The following SULT4A1 variants were observed in gnomAD, a reference collection of about 807,000 sequenced individuals.
The protein encoded by SULT4A1 is sulfotransferase family 4A member 1, also known as sulfotransferase 4A1.
Under a neutral mutation model 35.2 loss-of-function variants are expected in SULT4A1, and 11 were observed. The ratio of observed to expected loss-of-function variants is 0.31; its 90% CI spans 0.20 to 0.52. SULT4A1 has a LOEUF of 0.52. SULT4A1 is among the 20% of genes least tolerant of loss of function. SULT4A1 has a pLI of 0.97. For synonymous variants in SULT4A1, 152 were observed against 151.8 expected, an observed-to-expected ratio of 1.00 and a Z score of -0.01; for missense variants, 271 against 383.7, an observed-to-expected ratio of 0.71 and a Z score of 2.45.
intron 2 of SULT4A1, 30 bp downstream of exon 2, chr22:43,841,772 G>A (rs752783828): frequency 6.2e-7 from 1 of 1,606,770 alleles, no homozygotes; most frequent in East Asian, 2.2e-5. Flanking sequence ...CTAAAGAGGT[G>A]CTGGGACAGG....
At chr22:43,841,980 GC>G (rs1569503878) in intron 1 of SULT4A1, 48 bp from the exon 2 acceptor site, 3 of 1,582,670 alleles carry the variant, frequency 1.9e-6, no homozygotes, top group African/African-American at 1.3e-5. Context: ...AGGCCCACGC[GC>G]CCGGCCCTGT....
intron 1 of SULT4A1, among the ~76,000 whole-genome samples, chr22:43,847,270 G>T (rs1434710878): frequency 1.3e-5 from 2 of 152,134 alleles, no homozygotes; most frequent in Non-Finnish European, 2.9e-5. Context: ...CAGCTGGCAA[G>T]ATGTGATAAC....
chr22:43,842,075 C>T (rs893260558), intron 1 of SULT4A1, 143 bp from the exon 2 acceptor site: 20 of 1,315,558 alleles, frequency 1.5e-5, no homozygotes, highest in South Asian at 1.2e-4. Flanking sequence ...AAGAGGAGCG[C>T]GCCCCGCACG....
At chr22:43,858,024 T>G (rs1249226712) in intron 1 of SULT4A1, among the ~76,000 whole-genome samples, 1 of 113,904 alleles carries the variant, frequency 8.8e-6, no homozygotes, top group African/African-American at 3.5e-5. Context: ...CACTCCAGCC[T>G]GGGCAATAGA....
At chr22:43,858,871 G>T (rs1051460864) in intron 1 of SULT4A1, among the ~76,000 whole-genome samples, 1 of 152,128 alleles carries the variant, frequency 6.6e-6, no homozygotes, top group Non-Finnish European at 1.5e-5. Flanking sequence ...GAGAATCAAA[G>T]TGGGTGGAGG....
At chr22:43,852,496 G>GGGGCAACCCATCAGGGCC (rs2049352706) in intron 1 of SULT4A1, among the ~76,000 whole-genome samples, 1 of 151,948 alleles carries the variant, frequency 6.6e-6, no homozygotes, top group African/African-American at 2.4e-5. Context: ...AACTTTTAAA[G>GGGGCAACCCATCAGGGCC]GGGCAACCCA....
intron 2 of SULT4A1, among the ~76,000 whole-genome samples, chr22:43,841,169 G>T (rs906717829): frequency 5.3e-5 from 8 of 152,230 alleles, no homozygotes; most frequent in African/African-American, 1.9e-4. Context: ...CGAGAGGCTG[G>T]GGTGCAGACA....
chr22:43,833,773 C>T, intron 4 of SULT4A1, 39 bp from the exon 5 acceptor site: 1 of 1,532,388 alleles, frequency 6.5e-7, no homozygotes, highest in Non-Finnish European at 8.8e-7. Context: ...CACGGCTGGG[C>T]AGGAGAAGCG....
At chr22:43,828,163 T>C (rs1434202524) in intron 6 of SULT4A1, among the ~76,000 whole-genome samples, 1 of 152,266 alleles carries the variant, frequency 6.6e-6, no homozygotes, top group East Asian at 1.9e-4. Flanking sequence ...GTGGGGCTGC[T>C]GCTGAACAGA....
At chr22:43,826,948 A>C (rs1358325933) in intron 6 of SULT4A1, 14 of 985,356 alleles carry the variant, frequency 1.4e-5, no homozygotes, top group African/African-American at 1.7e-5. Flanking sequence ...GCACCGGTCT[A>C]CGCTGGTTTA....
At chr22:43,826,842 G>T (rs1366499836) in intron 6 of SULT4A1, 1 of 985,288 alleles carries the variant, frequency 1.0e-6, no homozygotes, top group Non-Finnish European at 1.2e-6. Context: ...ATGAGTCTGG[G>T]CACAGCCCCC....
rs1303193737 is a variant in SULT4A1, at chr22:43,829,069, C to T, written c.733G>A (p.Val245Met). The part of the protein sequence containing the change: ...DQCCNAEALP[V>M]GRGRVGLWKD... ...AGGGTGGGGCACGTACCCCGGCCCA[C>T]GGGCAGGGCCTCAGCGTTGCAGCAC... is the stretch of plus-strand genomic sequence containing the variant. Residue 245 changes from valine (V) to methionine (M), a missense_variant, in exon 6 of 7, where the codon GTG (valine) becomes ATG (methionine). Around this residue, in one of 3 missense-constraint regions of SULT4A1, gnomAD observed 32 missense variants for 61.9 expected, o/e 0.52. Transcript: ENST00000330884. 13 of 1,529,960 alleles carry T rather than the reference C, an allele frequency of 8.5e-6. No individual in the cohort carries two copies. Among genetic ancestry groups the T allele is most frequent in the South Asian group, 3.7e-5 (3 of 82,190 alleles). 94.8% of individuals were successfully genotyped at this position (1,529,960 alleles called of 1,614,324 possible).
chr22:43,826,996 CAA>C (rs1404110541), intron 6 of SULT4A1: 1 of 985,354 alleles, frequency 1.0e-6, no homozygotes, highest in African/African-American at 1.7e-5. Context: ...CTCAACATGA[CAA>C]GAGAAGTTGT....
At chr22:43,851,243 G>T (rs2063508554) in intron 1 of SULT4A1, among the ~76,000 whole-genome samples, 4 of 152,168 alleles carry the variant, frequency 2.6e-5, no homozygotes, top group Non-Finnish European at 5.9e-5. Flanking sequence ...AGTCTTCACT[G>T]CTGGTTCCTT....
Position 43,825,153 on chromosome 22 carries a change from C to T in SULT4A1, c.*848G>A, listed in dbSNP as rs2063278111. ...GCTTGCCAGCATTAGTAGGCTATCA[C>T]TTCAGGAAACAAAGTAAGGCTGTGG... On this transcript the variant is annotated 3_prime_UTR_variant, in exon 7 of 7. Transcript: ENST00000330884. The T allele has an allele frequency of 6.6e-6, 1 of 152,228 alleles. No homozygotes were observed. The allele number at this position is 152,228 out of a possible 1,614,324, so 9.4% of individuals were successfully genotyped here.
intron 6 of SULT4A1, 140 bp from the exon 7 acceptor site, chr22:43,826,253 G>C (rs1335158377): frequency 2.1e-6 from 3 of 1,461,192 alleles, no homozygotes; most frequent in East Asian, 5.0e-5. Context: ...GGGCAGGAAG[G>C]GCCGTCTGAG....
At chr22:43,835,150 C>G (rs959107724) in intron 4 of SULT4A1, among the ~76,000 whole-genome samples, 1 of 151,954 alleles carries the variant, frequency 6.6e-6, no homozygotes, top group African/African-American at 2.4e-5. Context: ...GCGCCCCCAC[C>G]GCAGCCCTGA....
intron 4 of SULT4A1, among the ~76,000 whole-genome samples, chr22:43,834,207 A>G (rs1476308414): frequency 1.3e-5 from 2 of 152,116 alleles, no homozygotes; most frequent in Non-Finnish European, 2.9e-5. Flanking sequence ...GGAACTCTCC[A>G]TGGGACCTGA....
intron 1 of SULT4A1, among the ~76,000 whole-genome samples, chr22:43,847,483 G>C (rs944756865): frequency 1.3e-5 from 2 of 152,190 alleles, no homozygotes; most frequent in Non-Finnish European, 2.9e-5. Context: ...CTTGGGCATG[G>C]GCATGAGCCC....
Sources: gnomAD v4.1 joint callset for allele counts (sites outside exome capture counted in the v4.1 genomes callset) on GRCh38, gnomAD v4.1.1 for gene constraint, gnomAD v4.1.1 regional missense constraint, MANE v1.5 for transcripts, NCBI Gene and HGNC (gene_info 2026-07-23, HGNC 2026-07-21) for gene names.